ACSBG1: variants seen among roughly 807,000 people sequenced by gnomAD.
ACSBG1 encodes the protein long-chain-fatty-acid--CoA ligase ACSBG1.
In ACSBG1, 39 loss-of-function variants were observed where a neutral mutation model predicts 80.2. The observed-to-expected ratio is 0.49, with a 90% CI of 0.38 to 0.64. The LOEUF is 0.64. Among genes scored for constraint, ACSBG1 ranks in the 30% least tolerant of loss-of-function variants. The pLI is 0.00. For missense variants in ACSBG1, 828 were observed against 966.4 expected (o/e 0.86, Z 1.90); for synonymous variants, 392 against 379.5 (o/e 1.03, Z -0.38).
In ACSBG1 at chr15:78,179,540, C is replaced by A. The variant is rs763303156; in HGVS notation, c.1484+10G>T. 6.2e-7 allele frequency: 1 copy of A among 1,605,632 alleles called. No individual in the cohort carries two copies. ...TGGGTGTGCATGTGTGTGGCAGCCTCGAGCCTCACCTGTACAGCCGGTAGT... is the reference window on the plus strand; with the variant it reads ...TGGGTGTGCATGTGTGTGGCAGCCTAGAGCCTCACCTGTACAGCCGGTAGT... On this transcript the variant is annotated intron_variant, in intron 10 of 13. Transcript: ENST00000258873.
At chr15:78,228,860 C>G (rs913470838) in intron 1 of ACSBG1, among the ~76,000 whole-genome samples, 4 of 152,212 alleles carry the variant, frequency 2.6e-5, no homozygotes, top group Non-Finnish European at 4.4e-5. Context: ...CCCTAGCCAA[C>G]TCCTACTCCT....
intron 1 of ACSBG1, among the ~76,000 whole-genome samples, chr15:78,231,287 A>ATT (rs59300084): frequency 0.013 from 1,974 of 148,340 alleles, 27 homozygotes; most frequent in African/African-American, 0.039. Context: ...CGCCTGGCTA[A>ATT]TTTTTTTTTT....
intron 2 of ACSBG1, among the ~76,000 whole-genome samples, chr15:78,196,762 G>A (rs2075117896): frequency 1.3e-5 from 2 of 152,142 alleles, no homozygotes; most frequent in African/African-American, 4.8e-5. Context: ...AGAGTAGAAT[G>A]CTATTCAGCT....
At chr15:78,200,150 A>G (rs778802394) in intron 2 of ACSBG1, among the ~76,000 whole-genome samples, 3 of 152,140 alleles carry the variant, frequency 2.0e-5, no homozygotes, top group Non-Finnish European at 4.4e-5. Flanking sequence ...TTCCTCTTCC[A>G]TGGAGCCTGT....
chr15:78,194,918 C>A (rs1221693024), intron 2 of ACSBG1, among the ~76,000 whole-genome samples, 192 bp from the exon 3 acceptor site: 3 of 152,204 alleles, frequency 2.0e-5, no homozygotes, highest in Non-Finnish European at 4.4e-5. Flanking sequence ...TCTGACTCAG[C>A]CTTGAAGGAA....
At chr15:78,196,186 G>A (rs1476102773) in intron 2 of ACSBG1, among the ~76,000 whole-genome samples, 1 of 152,198 alleles carries the variant, frequency 6.6e-6, no homozygotes, top group East Asian at 1.9e-4. Flanking sequence ...CCATGAGGGA[G>A]CCCTGAGCCT....
At chr15:78,222,952 T>C (rs529309969) in intron 1 of ACSBG1, among the ~76,000 whole-genome samples, 124 of 152,324 alleles carry the variant, frequency 8.1e-4, no homozygotes, top group African/African-American at 2.9e-3. Context: ...TGAGGTGGCT[T>C]GAAATCTTAC....
In ACSBG1 at chr15:78,182,498, T is replaced by C. The variant is rs776311513; in HGVS notation, c.862A>G (p.Asn288Asp). 8.1e-6 allele frequency: 13 copies of C among 1,614,070 alleles called. No individual in the cohort carries two copies. The East Asian group carries it at 2.7e-4, about 33-fold the overall frequency. ...VLVYTSGTTG[N>D]PKGVMLSQDN... ...TGACTCAGCATCACGCCCTTGGGGT[T>C]CCCAGTGGTGCCGGAAGTGTAGACT... Residue 288 changes from asparagine (N) to aspartate (D), a missense_variant, in exon 7 of 14, where the codon AAC becomes GAC. Transcript: ENST00000258873.
At chr15:78,196,495 G>A (rs913299190) in intron 2 of ACSBG1, among the ~76,000 whole-genome samples, 9 of 152,184 alleles carry the variant, frequency 5.9e-5, no homozygotes, top group Admixed American at 5.2e-4. Context: ...GGACACAGAA[G>A]CCCTCATACA....
At position 78,177,406 on chromosome 15, in the gene ACSBG1, A is replaced by G. The variant is rs1352382351; in HGVS notation, c.1702+1208T>C. ...GGAAAGGATGCTGTGTCCGTTGGAT[A>G]TGTATTTGGAGAAAAGCTATTTGGA... On this transcript the variant is annotated intron_variant, in intron 11 of 13. Transcript: ENST00000258873. The surrounding 1 kb of genome is among the most constrained non-coding windows in gnomAD (Gnocchi z 4.1). 1.3e-5 allele frequency among the ~76,000 whole-genome samples: 2 copies of G among 152,210 alleles called. No individual in the cohort carries two copies. The highest frequency in any genetic ancestry group is 4.8e-5 in the African/African-American group (2 of 41,456).
intron 1 of ACSBG1, among the ~76,000 whole-genome samples, chr15:78,232,905 T>C (rs576481720): frequency 6.6e-6 from 1 of 152,294 alleles, no homozygotes; most frequent in South Asian, 2.1e-4. Flanking sequence ...GTCTCAGAAC[T>C]CCTGACCTTG....
chr15:78,189,052 C>CA (rs1226088401), intron 5 of ACSBG1, among the ~76,000 whole-genome samples: 1 of 151,674 alleles, frequency 6.6e-6, no homozygotes, highest in Non-Finnish European at 1.5e-5. Context: ...TCTATGCAGC[C>CA]AAAAAACACA....
chr15:78,193,258 G>A (rs2075072347), intron 5 of ACSBG1, among the ~76,000 whole-genome samples: 1 of 152,226 alleles, frequency 6.6e-6, no homozygotes, highest in Non-Finnish European at 1.5e-5. Flanking sequence ...GAAGGCAGTG[G>A]CTGGACAGGA....
In ACSBG1 at chr15:78,170,934, T is replaced by C. The variant is rs2074813592; in HGVS notation, c.*510A>G. 2.0e-5 allele frequency: 3 copies of C among 153,184 alleles called. No homozygotes were observed. The highest frequency in any genetic ancestry group is 4.8e-5 in the African/African-American group (2 of 41,472). 9.5% of individuals were successfully genotyped at this position (153,184 alleles called of 1,614,324 possible). Reference sequence around the variant, plus strand: ...GCAGTTTTATTAAGCATCAAGTCAGTTGGCATGTGGGTGGCGGAGTGCCTG... The same window carrying C: ...GCAGTTTTATTAAGCATCAAGTCAGCTGGCATGTGGGTGGCGGAGTGCCTG... On this transcript the variant is annotated 3_prime_UTR_variant, in exon 14 of 14. Coordinates refer to ENST00000258873, the MANE Select transcript of ACSBG1 (RefSeq NM_015162.5).
At chr15:78,204,362 C>T (rs1425406033) in intron 2 of ACSBG1, among the ~76,000 whole-genome samples, 1 of 152,198 alleles carries the variant, frequency 6.6e-6, no homozygotes, top group East Asian at 1.9e-4. Context: ...AGGAGATGTG[C>T]AGGAGACCTC....
intron 1 of ACSBG1, among the ~76,000 whole-genome samples, chr15:78,217,947 A>G (rs75303868): frequency 0.011 from 1,739 of 152,314 alleles, 27 homozygotes; most frequent in African/African-American, 0.039. Flanking sequence ...TGACAGACAC[A>G]GAGAACGGCC....
chr15:78,226,012 C>CCT (rs2075397573), intron 1 of ACSBG1, among the ~76,000 whole-genome samples: 1 of 152,004 alleles, frequency 6.6e-6, no homozygotes, highest in Non-Finnish European at 1.5e-5. Flanking sequence ...TAGAGGTGTC[C>CCT]CTCAGGTCCT....
intron 5 of ACSBG1, among the ~76,000 whole-genome samples, chr15:78,185,519 T>C (rs28832935): frequency 0.16 from 23,790 of 152,212 alleles, 3,167 homozygotes; most frequent in African/African-American, 0.36. Flanking sequence ...AAAAAATTAC[T>C]TGTGGGACAA....
chr15:78,234,309 C>T (rs2075474824), intron 1 of ACSBG1, 62 bp downstream of exon 1: 1 of 1,578,792 alleles, frequency 6.3e-7, no homozygotes, highest in Admixed American at 1.7e-5. Context: ...GTTCACACAG[C>T]AGAGCAAAGT....
Sources: allele counts gnomAD v4.1 joint callset (sites outside exome capture counted in the v4.1 genomes callset), GRCh38; gene constraint gnomAD v4.1.1; non-coding constraint Gnocchi (gnomAD v3.1); transcripts MANE v1.5; gene names NCBI Gene and HGNC (gene_info 2026-07-23, HGNC 2026-07-21).